Variants in SFMBT2 observed in about 807,000 individuals in gnomAD.
SFMBT2 encodes the protein scm-like with four MBT domains protein 2.
In SFMBT2, 38 loss-of-function variants were observed where a neutral mutation model predicts 110.1. The ratio of observed to expected loss-of-function variants is 0.35; its 90% confidence interval spans 0.27 to 0.45. SFMBT2 has a LOEUF of 0.45. Among genes scored for constraint, SFMBT2 ranks in the 20% least tolerant of loss-of-function variants. SFMBT2 has a pLI of 1.00. For synonymous variants in SFMBT2, 425 were observed against 425.4 expected (o/e 1.00, Z 0.01); for missense variants, 1,011 against 1,094.9 (o/e 0.92, Z 1.08).
Position 7,370,195 on chromosome 10 carries a change from T to C in SFMBT2, c.195+86A>G, listed in dbSNP as rs1470840430. 6 of 1,220,978 alleles carry C rather than the reference T, an allele frequency of 4.9e-6. No individual in the cohort carries two copies. The South Asian group carries it at 5.0e-5, about 10-fold the overall frequency. 75.6% of individuals were successfully genotyped at this position (1,220,978 alleles called of 1,614,324 possible). A position where few individuals can be genotyped will look rare whatever the true frequency, so the allele number is the denominator to read the frequency against. On this transcript the variant is annotated intron_variant, in intron 3 of 20. Transcript: ENST00000397167. ...AATTTCCCTCTTTCCTCTGCCCTTCTTCCATTGAGTTCTCCGGCTTCTCCC... is the reference window on the plus strand; with the variant it reads ...AATTTCCCTCTTTCCTCTGCCCTTCCTCCATTGAGTTCTCCGGCTTCTCCC...
chr10:7,405,904 C>T (rs988997740), intron 1 of SFMBT2, among the ~76,000 whole-genome samples: 1 of 145,522 alleles, frequency 6.9e-6, no homozygotes, highest in African/African-American at 2.5e-5. Context: ...AAACTGAATA[C>T]ACACATTGAC....
chr10:7,286,432 A>T (rs1842090279), intron 4 of SFMBT2: 1 of 943,732 alleles, frequency 1.1e-6, no homozygotes. Context: ...ACTGAAGGTG[A>T]AATGGAGAAA....
At chr10:7,385,935 G>C (rs1234938733) in intron 1 of SFMBT2, among the ~76,000 whole-genome samples, 6 of 152,138 alleles carry the variant, frequency 3.9e-5, no homozygotes, top group Non-Finnish European at 8.8e-5. Context: ...GGGAGGCAGA[G>C]CTTGCAGTGA....
intron 4 of SFMBT2, among the ~76,000 whole-genome samples, chr10:7,355,930 C>A (rs565830484): frequency 5.6e-4 from 86 of 152,322 alleles, no homozygotes; most frequent in Admixed American, 1.6e-3. Flanking sequence ...TGATTCTTCA[C>A]TCTGTAAAAA....
intron 4 of SFMBT2, among the ~76,000 whole-genome samples, chr10:7,312,045 G>C (rs1842871523): frequency 6.6e-6 from 1 of 152,188 alleles, no homozygotes. Context: ...CTTGGACACA[G>C]GATGGGGAAC....
intron 4 of SFMBT2, among the ~76,000 whole-genome samples, chr10:7,330,887 T>TAA (rs1843542532): frequency 6.6e-6 from 1 of 152,224 alleles, no homozygotes; most frequent in African/African-American, 2.4e-5. Flanking sequence ...TTCCCCTGTC[T>TAA]AATCCATCCC....
intron 4 of SFMBT2, among the ~76,000 whole-genome samples, chr10:7,341,515 C>G (rs1434149619): frequency 1.3e-5 from 2 of 152,084 alleles, no homozygotes; most frequent in Non-Finnish European, 2.9e-5. Context: ...ATTCATTCAA[C>G]AAATTTTTGA....
chr10:7,323,458 AAAAAAAAAAACC>A (rs1214925355), intron 4 of SFMBT2, among the ~76,000 whole-genome samples: 4 of 122,950 alleles, frequency 3.3e-5, no homozygotes, highest in African/African-American at 1.4e-4. Context: ...CTCAAAAAAA[AAAAAAAAAAACC>A]AAAAAAAAAA....
intron 16 of SFMBT2, among the ~76,000 whole-genome samples, chr10:7,186,614 C>T (rs937827260): frequency 2.8e-4 from 42 of 152,130 alleles, no homozygotes; most frequent in African/African-American, 9.9e-4. Context: ...CTGGCCTGGA[C>T]CAAATGTCTT....
intron 4 of SFMBT2, among the ~76,000 whole-genome samples, chr10:7,341,067 C>T (rs1259379179): frequency 6.6e-6 from 1 of 152,194 alleles, no homozygotes; most frequent in African/African-American, 2.4e-5. Flanking sequence ...CAGCAGAGGG[C>T]ACCTCCATGT....
At chr10:7,243,242 CTT>C (rs1225689082) in intron 9 of SFMBT2, among the ~76,000 whole-genome samples, 2 of 152,224 alleles carry the variant, frequency 1.3e-5, no homozygotes, top group Non-Finnish European at 2.9e-5. Flanking sequence ...TTCTCAGACA[CTT>C]TCAAGTCTTT....
intron 1 of SFMBT2, among the ~76,000 whole-genome samples, chr10:7,384,428 T>C (rs1239302086): frequency 6.6e-6 from 1 of 151,922 alleles, no homozygotes; most frequent in African/African-American, 2.4e-5. Context: ...TGAACCAAAA[T>C]ACAAACTGAG....
At chr10:7,313,881 A>G (rs938195332) in intron 4 of SFMBT2, among the ~76,000 whole-genome samples, 4 of 152,358 alleles carry the variant, frequency 2.6e-5, no homozygotes, top group Admixed American at 1.3e-4. Context: ...AAATACCTTC[A>G]TAAGAGTATC....
At chr10:7,327,914 G>A (rs963154317) in intron 4 of SFMBT2, among the ~76,000 whole-genome samples, 1 of 152,160 alleles carries the variant, frequency 6.6e-6, no homozygotes, top group African/African-American at 2.4e-5. Context: ...ACTATGAATA[G>A]GGCTGCTATA....
intron 7 of SFMBT2, among the ~76,000 whole-genome samples, chr10:7,268,001 T>C (rs1237125268): frequency 6.6e-6 from 1 of 152,246 alleles, no homozygotes; most frequent in African/African-American, 2.4e-5. Flanking sequence ...TAGATCTTTT[T>C]GGTGGACAAA....
chr10:7,327,571 C>G (rs1843431233), intron 4 of SFMBT2, among the ~76,000 whole-genome samples: 1 of 151,896 alleles, frequency 6.6e-6, no homozygotes, highest in East Asian at 1.9e-4. Flanking sequence ...ATCCCAGCTA[C>G]TCAGGAGGCT....
chr10:7,167,967 C>A (rs891016724), intron 20 of SFMBT2, among the ~76,000 whole-genome samples: 18 of 151,990 alleles, frequency 1.2e-4, no homozygotes, highest in Non-Finnish European at 1.5e-4. Context: ...ACTCAGGAGG[C>A]TGAGGCAGGA....
chr10:7,214,495 G>A (rs1006437153), intron 11 of SFMBT2: 3 of 907,856 alleles, frequency 3.3e-6, no homozygotes, highest in East Asian at 2.4e-4. Context: ...GATGGGCAAA[G>A]GACAGATTAG....
chr10:7,309,058 A>G (rs1451481528), intron 4 of SFMBT2, among the ~76,000 whole-genome samples: 12 of 152,206 alleles, frequency 7.9e-5, no homozygotes, highest in Non-Finnish European at 1.5e-4. Context: ...ATTTGGCCAA[A>G]CATTATTCTG....
Sources: allele counts gnomAD v4.1 joint callset (sites outside exome capture counted in the v4.1 genomes callset), GRCh38; gene constraint gnomAD v4.1.1; transcripts MANE v1.5; gene names NCBI Gene and HGNC (gene_info 2026-07-23, HGNC 2026-07-21).